GREP1: variants seen among roughly 807,000 people sequenced by gnomAD.
GREP1 encodes glycine rich extracellular protein 1.
intron 4 of GREP1, 29 bp from the exon 5 acceptor site, chr16:2,990,058 T>A: frequency 2.5e-6 from 1 of 399,304 alleles, no homozygotes; most frequent in East Asian, 3.6e-5. Context: ...TCTCTCACAC[T>A]CCTCACCTCA....
rs192470610 is a variant in GREP1, at chr16:2,991,206, G to A, written c.322+105G>A. 4.8e-5 allele frequency: 19 copies of A among 398,628 alleles called. No individual in the cohort carries two copies. The highest frequency in any genetic ancestry group is 3.5e-4 in the African/African-American group (17 of 48,720). The allele number at this position is 398,628 out of a possible 1,614,324, so 24.7% of individuals were successfully genotyped here. The stretch of plus-strand genomic sequence containing the variant: ...AGCTGGGAGAGCTGGGCTCTGGAGG[G>A]AGGGCAGGGCTCAGCCACTCTGTCC... On this transcript the variant is annotated intron_variant, in intron 8 of 34. Transcript: ENST00000573315. The surrounding 1 kb of genome is among the most constrained non-coding windows in gnomAD (Gnocchi z 4.9).
chr16:2,995,883 G>C (rs1461456869), exon 18 of GREP1: 1 of 397,900 alleles, frequency 2.5e-6, no homozygotes, highest in Non-Finnish European at 4.4e-6. Context: ...GAGAGCAGGG[G>C]CCTTCCCTGG....
chr16:3,000,190 C>T (rs957842284), intron 29 of GREP1, 72 bp downstream of exon 26: 11 of 399,306 alleles, frequency 2.8e-5, no homozygotes, highest in African/African-American at 2.3e-4. Flanking sequence ...GTCAGTCTGT[C>T]TGTCCGCATC....
Position 2,989,209 on chromosome 16 carries a change from C to T in GREP1, c.101-314C>T, listed in dbSNP as rs2072386552. 3 of 355,132 alleles carry T rather than the reference C, an allele frequency of 8.4e-6. No individual in the cohort carries two copies. Among genetic ancestry groups the T allele is most frequent in the Non-Finnish European group, 5.0e-6 (1 of 198,858 alleles). The allele number at this position is 355,132 out of a possible 1,614,324, so 22.0% of individuals were successfully genotyped here. Reference sequence around the variant, plus strand: ...GCTCTGCCCCACAGTCCCCCAGAGCCCTGGCTCAGACACCTTCCTCCAGGC... The same window carrying T: ...GCTCTGCCCCACAGTCCCCCAGAGCTCTGGCTCAGACACCTTCCTCCAGGC... On this transcript the variant is annotated intron_variant, in intron 2 of 34. Transcript: ENST00000573315. This position sits in a 1 kb window ranked among gnomAD's most constrained non-coding sequence, Gnocchi z 4.2.
chr16:2,999,217 C>T, intron 26 of GREP1: 1 of 398,808 alleles, frequency 2.5e-6, no homozygotes, highest in Non-Finnish European at 4.4e-6. Context: ...CTCTCAAGCC[C>T]TCGGCTGGGC....
At chr16:2,998,090 T>A (rs1430145747) in intron 23 of GREP1, among the ~76,000 whole-genome samples, 1 of 151,808 alleles carries the variant, frequency 6.6e-6, no homozygotes, top group Non-Finnish European at 1.5e-5. Context: ...CTGTCCATTA[T>A]TCTCCATGGG....
At chr16:2,994,722 G>C in exon 11 of GREP1, 2 of 398,690 alleles carry the variant, frequency 5.0e-6, no homozygotes, top group African/African-American at 2.1e-5. Context: ...AATGGCTATA[G>C]ACCAGGTAGG....
chr16:2,994,864 C>T (rs1298904867), intron 12 of GREP1, 26 bp downstream of exon 13: 1 of 399,170 alleles, frequency 2.5e-6, no homozygotes, highest in Non-Finnish European at 4.4e-6. Flanking sequence ...GCCTGTCCCT[C>T]TGCCTCCCCA....
Position 2,994,736 on chromosome 16 carries a change from G to C in GREP1, c.415+9G>C. The C allele has an allele frequency of 2.5e-6, 1 of 398,960 alleles. No individual in the cohort carries two copies. The allele number at this position is 398,960 out of a possible 1,614,324, so 24.7% of individuals were successfully genotyped here. ...AAATGGCTATAGACCAGGTAGGGGC[G>C]GGGCTGGGGTTTGGGGAGGCCCAGA... On this transcript the variant is annotated intron_variant, in intron 11 of 34. Coordinates refer to ENST00000573315, the Ensembl canonical transcript of GREP1.
chr16:3,001,481 T>C (rs920854245), intron 34 of GREP1, 80 bp from the exon 29 acceptor site: 1 of 398,860 alleles, frequency 2.5e-6, no homozygotes, highest in African/African-American at 2.1e-5. Context: ...CCCCAGAAGC[T>C]CAGGTCCCTG....
intron 20 of GREP1, 162 bp from the exon 20 acceptor site, chr16:2,996,891 C>A (rs1200650555): frequency 1.5e-5 from 6 of 399,256 alleles, no homozygotes; most frequent in Non-Finnish European, 2.7e-5. Context: ...CTGGCCCCTG[C>A]CTCCCTGTCC....
rs2072398054 is a variant in GREP1 at position 2,991,289 on chromosome 16, C to A, written c.322+188C>A. 1 of 394,308 alleles carries A rather than the reference C, an allele frequency of 2.5e-6. No individual in the cohort carries two copies. Among genetic ancestry groups the A allele is most frequent in the Non-Finnish European group, 4.5e-6 (1 of 224,098 alleles). The allele number at this position is 394,308 out of a possible 1,614,324, so 24.4% of individuals were successfully genotyped here. A position where few individuals can be genotyped will look rare whatever the true frequency, so the allele number is the denominator to read the frequency against. ...CGAAGCCAGGTGAGGCAGAGCCCTG[C>A]CCCGCCTTGCCCACTTATATCCAGG... On this transcript the variant is annotated intron_variant, in intron 8 of 34. Coordinates refer to ENST00000573315, the Ensembl canonical transcript of GREP1. This position sits in a 1 kb window ranked among gnomAD's most constrained non-coding sequence, Gnocchi z 4.9.
At chr16:2,990,050 T>C (rs1178324352) in intron 4 of GREP1, 37 bp from the exon 5 acceptor site, 1 of 399,618 alleles carries the variant, frequency 2.5e-6, no homozygotes, top group African/African-American at 2.1e-5. Flanking sequence ...CCCCTCTTTC[T>C]CTCACACTCC....
chr16:2,991,391 A>T lies in GREP1; in HGVS notation c.322+290A>T, dbSNP rs1330669701. The T allele has an allele frequency of 3.1e-6, 1 of 327,768 alleles. No individual in the cohort carries two copies. The highest frequency in any genetic ancestry group is 5.5e-6 in the Non-Finnish European group (1 of 181,620). The allele number at this position is 327,768 out of a possible 1,614,324, so 20.3% of individuals were successfully genotyped here. ...ATGTCTCCCCAGGATTGGGGAGCAG[A>T]AGTGGTTTGGGCGCTGGCACTCTTC... On this transcript the variant is annotated intron_variant, in intron 8 of 34. Transcript: ENST00000573315. This position sits in a 1 kb window ranked among gnomAD's most constrained non-coding sequence, Gnocchi z 4.9.
chr16:2,999,051 C>T, intron 26 of GREP1, 72 bp downstream of exon 24: 1 of 398,974 alleles, frequency 2.5e-6, no homozygotes, highest in Non-Finnish European at 4.4e-6. Context: ...GGCCTGGCTG[C>T]CATATCCCAC....
chr16:3,000,846 G>A lies in GREP1; in HGVS notation c.1531+19G>A, dbSNP rs1567399706. The stretch of plus-strand genomic sequence containing the variant: ...CAGCCAGGTAACGGGATGCCTGGAT[G>A]AGTGTGTTGGGGCCATTAGAGGTGG... On this transcript the variant is annotated intron_variant, in intron 33 of 34. Transcript: ENST00000573315. 2 of 398,936 alleles carry A rather than the reference G, an allele frequency of 5.0e-6. No individual in the cohort carries two copies. Among genetic ancestry groups the A allele is most frequent in the East Asian group, 3.6e-5 (1 of 28,094 alleles). The allele number at this position is 398,936 out of a possible 1,614,324, so 24.7% of individuals were successfully genotyped here.
chr16:2,992,875 G>T lies in GREP1; in HGVS notation c.352+41G>T. On this transcript the variant is annotated intron_variant, in intron 9 of 34. Transcript: ENST00000573315. The surrounding 1 kb of genome is among the most constrained non-coding windows in gnomAD (Gnocchi z 4.9). ...ACGGAAGCGGGGAGCCTGGGGCTGAGATTCTGGGCACAGGCCCAGAGGAAA... is the reference window on the plus strand; with the variant it reads ...ACGGAAGCGGGGAGCCTGGGGCTGATATTCTGGGCACAGGCCCAGAGGAAA... 2.5e-6 allele frequency: 1 copy of T among 399,114 alleles called. No homozygotes were observed. The highest frequency in any genetic ancestry group is 3.6e-5 in the East Asian group (1 of 28,074). 24.7% of individuals were successfully genotyped at this position (399,114 alleles called of 1,614,324 possible).
At chr16:2,998,251 C>A (rs892011240) in intron 23 of GREP1, 105 bp from the exon 22 acceptor site, 9 of 398,144 alleles carry the variant, frequency 2.3e-5, no homozygotes, top group African/African-American at 4.1e-5. Context: ...GGGGCTCCTG[C>A]CAGGTGAAAA....
chr16:2,990,248 AG>A (rs1378102161), intron 5 of GREP1, 126 bp downstream of exon 5: 2 of 397,846 alleles, frequency 5.0e-6, no homozygotes, highest in Non-Finnish European at 8.8e-6. Context: ...GCTTAGTCCA[AG>A]GGGGGGTTCA....
Sources: gnomAD v4.1 joint callset for allele counts (sites outside exome capture counted in the v4.1 genomes callset) on GRCh38, gnomAD v4.1.1 for gene constraint, Gnocchi (gnomAD v3.1) non-coding constraint, MANE v1.5 for transcripts, NCBI Gene and HGNC (gene_info 2026-07-23, HGNC 2026-07-21) for gene names.